The following LTBP1 variants were observed in gnomAD, a reference collection of about 807,000 sequenced individuals.
LTBP1 encodes latent-transforming growth factor beta-binding protein 1.
Under a neutral mutation model 207.6 loss-of-function variants are expected in LTBP1, and 129 were observed. The ratio of observed to expected loss-of-function variants is 0.62; its 90% CI spans 0.54 to 0.72. The LOEUF (loss-of-function observed/expected upper bound fraction) is 0.72, where lower values mean the gene tolerates loss of function less well. Ranked by LOEUF, LTBP1 falls within the 30% of genes least tolerant of loss-of-function variation. LTBP1 has a pLI of 0.00. For missense variants in LTBP1, 2,281 were observed against 2,217.2 expected, an observed-to-expected ratio of 1.03 and a Z score of -0.58; for synonymous variants, 963 against 833.7, an observed-to-expected ratio of 1.16 and a Z score of -2.67.
chr2:33,046,930 T>C (rs2076476268), intron 3 of LTBP1, among the ~76,000 whole-genome samples: 1 of 152,186 alleles, frequency 6.6e-6, no homozygotes, highest in African/African-American at 2.4e-5. Context: ...CTGATGGTAG[T>C]TTGTATTTCT....
intron 3 of LTBP1, among the ~76,000 whole-genome samples, chr2:33,085,351 C>T (rs1202082296): frequency 6.6e-6 from 1 of 152,178 alleles, no homozygotes; most frequent in Admixed American, 6.5e-5. Context: ...ATCTAATGAA[C>T]ATTTTTCTTA....
intron 2 of LTBP1, among the ~76,000 whole-genome samples, chr2:32,976,159 A>G (rs1681742719): frequency 6.6e-6 from 1 of 152,158 alleles, no homozygotes; most frequent in South Asian, 2.1e-4. Flanking sequence ...GTTGACTACT[A>G]TGCTGTGTGC....
chr2:33,305,711 T>G (rs900172077), intron 22 of LTBP1, among the ~76,000 whole-genome samples: 1 of 152,160 alleles, frequency 6.6e-6, no homozygotes. Context: ...AGAAGAGAGA[T>G]AAATCCCGGG....
At chr2:33,308,087 CAAA>C (rs1359430193) in intron 22 of LTBP1, among the ~76,000 whole-genome samples, 4 of 152,160 alleles carry the variant, frequency 2.6e-5, no homozygotes, top group Non-Finnish European at 4.4e-5. Flanking sequence ...TCTGAGAAAA[CAAA>C]GAAGGTTTTG....
At chr2:33,115,037 T>TATACACACAC (rs869158793) in intron 4 of LTBP1, among the ~76,000 whole-genome samples, 1,858 of 145,210 alleles carry the variant, frequency 0.013, 39 homozygotes, top group African/African-American at 0.042. Flanking sequence ...AACAGATATA[T>TATACACACAC]ACACACACAC....
chr2:33,029,327 A>C (rs1415429209), intron 3 of LTBP1, among the ~76,000 whole-genome samples: 1 of 152,056 alleles, frequency 6.6e-6, no homozygotes, highest in African/African-American at 2.4e-5. Flanking sequence ...AAATACAAAA[A>C]TTAGTTGGGC....
intron 15 of LTBP1, among the ~76,000 whole-genome samples, chr2:33,269,153 GAA>G (rs764998047): frequency 1.8e-4 from 27 of 152,148 alleles, no homozygotes; most frequent in South Asian, 1.2e-3. Flanking sequence ...ACATGATGAA[GAA>G]AAAAGCTAAA....
chr2:33,095,735 T>C (rs2079347946), intron 3 of LTBP1, among the ~76,000 whole-genome samples: 1 of 151,968 alleles, frequency 6.6e-6, no homozygotes, highest in Admixed American at 6.6e-5. Flanking sequence ...GATGGGGGAA[T>C]TTTTAATAGA....
chr2:33,361,103 G>A (rs2094922628), intron 27 of LTBP1, among the ~76,000 whole-genome samples: 1 of 152,190 alleles, frequency 6.6e-6, no homozygotes, highest in Admixed American at 6.5e-5. Flanking sequence ...GTGTATTGAA[G>A]CTATGATTTC....
At chr2:33,003,948 A>G (rs766513608) in intron 2 of LTBP1, among the ~76,000 whole-genome samples, 18 of 152,154 alleles carry the variant, frequency 1.2e-4, no homozygotes, top group Non-Finnish European at 2.1e-4. Context: ...TGATGCCACC[A>G]TTGTTACTGA....
At position 33,169,274 on chromosome 2, in the gene LTBP1, T is replaced by C. The variant is rs114437900; in HGVS notation, c.1202-17582T>C. 5.4e-3 allele frequency among the ~76,000 whole-genome samples: 817 copies of C among 152,328 alleles called. 4 individuals are homozygous for C. Among genetic ancestry groups the C allele is most frequent in the Middle Eastern group, 0.031 (9 of 294 alleles). On this transcript the variant is annotated intron_variant, in intron 5 of 33. Transcript: ENST00000404816. The stretch of plus-strand genomic sequence containing the variant: ...TTTAGCTTGCATTCTTCCTCTGTTC[T>C]TCCATTCCTAACTCCACCCGAAACT...
At chr2:33,064,146 C>A (rs219081) in intron 3 of LTBP1, among the ~76,000 whole-genome samples, 54,708 of 152,138 alleles carry the variant, frequency 0.36, 11,880 homozygotes, top group East Asian at 0.59. Context: ...AGCCACTGCA[C>A]CCAGCCTCTA....
chr2:33,235,361 C>A (rs961741248), intron 9 of LTBP1, among the ~76,000 whole-genome samples: 1 of 152,126 alleles, frequency 6.6e-6, no homozygotes, highest in Non-Finnish European at 1.5e-5. Context: ...TACCATCTCA[C>A]GTCAGTTAGA....
At chr2:33,145,956 T>A (rs2082999521) in intron 5 of LTBP1, among the ~76,000 whole-genome samples, 1 of 152,236 alleles carries the variant, frequency 6.6e-6, no homozygotes, top group Non-Finnish European at 1.5e-5. Flanking sequence ...ATTTCCCTTC[T>A]GTCAAAGTCT....
At chr2:33,101,010 A>AC in intron 3 of LTBP1, among the ~76,000 whole-genome samples, 1 of 152,204 alleles carries the variant, frequency 6.6e-6, no homozygotes, top group Non-Finnish European at 1.5e-5. Context: ...GAACAGTGGA[A>AC]CATAAGTATG....
chr2:33,270,603 A>T (rs951233328), intron 15 of LTBP1, among the ~76,000 whole-genome samples: 3 of 151,540 alleles, frequency 2.0e-5, no homozygotes, highest in Non-Finnish European at 4.4e-5. Context: ...AAAAAAAAAA[A>T]AAAAAAAAGA....
At chr2:33,279,314 T>TAA (rs201503131) in intron 18 of LTBP1, among the ~76,000 whole-genome samples, 3,415 of 152,342 alleles carry the variant, frequency 0.022, 62 homozygotes, top group Non-Finnish European at 0.036. Flanking sequence ...GCTGTCGTAG[T>TAA]TATCTCCTCA....
At chr2:33,175,467 C>T (rs1361791966) in intron 5 of LTBP1, among the ~76,000 whole-genome samples, 1 of 152,010 alleles carries the variant, frequency 6.6e-6, no homozygotes, top group African/African-American at 2.4e-5. Flanking sequence ...CCATCTCACA[C>T]CAGTTAGAAT....
chr2:32,961,266 A>G (rs1679063682), intron 2 of LTBP1, among the ~76,000 whole-genome samples: 2 of 150,992 alleles, frequency 1.3e-5, no homozygotes, highest in South Asian at 4.1e-4. Flanking sequence ...GTCTCTGCCG[A>G]GCTCTCGTGG....
Sources: allele counts gnomAD v4.1 joint callset (sites outside exome capture counted in the v4.1 genomes callset), GRCh38; gene constraint gnomAD v4.1.1; transcripts MANE v1.5; gene names NCBI Gene and HGNC (gene_info 2026-07-23, HGNC 2026-07-21).